The following ASB11 variants were observed in gnomAD, a reference collection of about 807,000 sequenced individuals.
The protein encoded by ASB11 is ankyrin repeat and SOCS box protein 11.
ASB11 carries 17 observed loss-of-function variants against 20.1 expected under a neutral mutation model. That is an observed-to-expected ratio of 0.85 (90% CI 0.58 to 1.27). The LOEUF (loss-of-function observed/expected upper bound fraction) is 1.27. ASB11 is among the 50% of genes most tolerant of loss of function. The pLI, the probability that ASB11 is intolerant of heterozygous loss-of-function variation, is 0.00. For missense variants in ASB11, 259 were observed against 256.9 expected, an observed-to-expected ratio of 1.01 and a Z score of -0.06; for synonymous variants, 107 against 105.6, an observed-to-expected ratio of 1.01 and a Z score of -0.08.
chrX:15,314,661 C>T, intron 1 of ASB11: 1 of 619,153 alleles, frequency 1.6e-6, no homozygotes, highest in Non-Finnish European at 2.1e-6. Flanking sequence ...CCCCTGCAAA[C>T]ACTAAAAATA....
chrX:15,289,980 C>A, intron 4 of ASB11: 1 of 166,971 alleles, frequency 6.0e-6, no homozygotes, highest in Non-Finnish European at 1.1e-5. Context: ...GCCGAGATAG[C>A]GCCACTGCAC....
At chrX:15,297,764 G>A in intron 2 of ASB11, 83 bp from the exon 3 acceptor site, 2 of 891,203 alleles carry the variant, frequency 2.2e-6, no homozygotes, top group Non-Finnish European at 1.6e-6. Flanking sequence ...TCAAACTCCT[G>A]GCCTCAAGTG....
At chrX:15,293,391 A>G (rs1927584578) in intron 3 of ASB11, 71 bp from the exon 4 acceptor site, 8 of 1,110,645 alleles carry the variant, frequency 7.2e-6, no homozygotes, top group Middle Eastern at 2.5e-4. Context: ...ATGTCTTCCT[A>G]TGTATTTGCC....
At chrX:15,299,805 T>G (rs1368893081) in intron 2 of ASB11, among the ~76,000 whole-genome samples, 3 of 111,367 alleles carry the variant, frequency 2.7e-5, no homozygotes, top group African/African-American at 9.8e-5. Flanking sequence ...GTCCTGCTTT[T>G]GATCCTATGC....
intron 1 of ASB11, 54 bp from the exon 2 acceptor site, chrX:15,302,861 T>A: frequency 1.9e-6 from 2 of 1,057,615 alleles, no homozygotes; most frequent in African/African-American, 3.7e-5. Context: ...TCCTGTAACT[T>A]GTCCATGCTG....
At chrX:15,284,157 C>A (rs1203123514) in intron 6 of ASB11, among the ~76,000 whole-genome samples, 1 of 103,556 alleles carries the variant, frequency 9.7e-6, no homozygotes, top group Non-Finnish European at 1.9e-5. Flanking sequence ...GAGGCTGAGG[C>A]AGGAGAATGG....
intron 6 of ASB11, among the ~76,000 whole-genome samples, chrX:15,284,371 T>TA (rs758944714): frequency 9.2e-6 from 1 of 108,435 alleles, no homozygotes; most frequent in Non-Finnish European, 1.9e-5. Context: ...AGAGGGACAA[T>TA]ACGGAAAGGG....
chrX:15,311,283 AAAG>A (rs1921423746), intron 1 of ASB11, among the ~76,000 whole-genome samples: 1 of 112,539 alleles, frequency 8.9e-6, no homozygotes, highest in East Asian at 2.8e-4. Context: ...AGTGTATTAG[AAAG>A]AAGGCTCCTT....
chrX:15,312,242 AT>A (rs1452784334), intron 1 of ASB11, among the ~76,000 whole-genome samples: 1 of 109,703 alleles, frequency 9.1e-6, no homozygotes, highest in Admixed American at 9.9e-5. Flanking sequence ...AGAAAAAAAA[AT>A]ATACATATAA....
intron 1 of ASB11, 28 bp from the exon 2 acceptor site, chrX:15,302,835 A>G: frequency 8.6e-7 from 1 of 1,169,427 alleles, no homozygotes; most frequent in Non-Finnish European, 1.2e-6. Flanking sequence ...CTCAAAGTCA[A>G]GGCCTGGAGA....
At position 15,282,650 on chromosome X, in the gene ASB11, A is replaced by G. The variant is rs926807471; in HGVS notation, c.*855T>C. ...AATCCTAGAACTGCTTACTTCAAAT[A>G]ACAGCATTTAATATCAGAAGCAATA... On this transcript the variant is annotated 3_prime_UTR_variant, in exon 7 of 7. Transcript: ENST00000480796. 2 of 110,842 alleles carry G rather than the reference A, an allele frequency of 1.8e-5. No homozygotes were observed. The highest frequency in any genetic ancestry group is 3.8e-5 in the Non-Finnish European group (2 of 53,003). The allele number at this position is 110,842 out of a possible 1,213,427, so 9.1% of individuals were successfully genotyped here.
At chrX:15,314,659 A>C (rs1921556754) in intron 1 of ASB11, 11 of 623,451 alleles carry the variant, frequency 1.8e-5, no homozygotes, top group Non-Finnish European at 2.3e-5. Flanking sequence ...AACCCCTGCA[A>C]ACACTAAAAA....
In ASB11 at chrX:15,302,709, A is replaced by G. The variant is rs771116161; in HGVS notation, c.261+19T>C. The G allele has an allele frequency of 4.3e-6, 5 of 1,173,491 alleles. No individual in the cohort carries two copies. Among genetic ancestry groups the G allele is most frequent in the Non-Finnish European group, 5.8e-6 (5 of 860,974 alleles). ...AATTATAGCATAAGCATGAAGGATCAAGTCTTCAGTTCACTTACTTGTGCA... is the reference window on the plus strand; with the variant it reads ...AATTATAGCATAAGCATGAAGGATCGAGTCTTCAGTTCACTTACTTGTGCA... On this transcript the variant is annotated intron_variant, in intron 2 of 6. Transcript: ENST00000480796.
Position 15,315,449 on chromosome X carries a change from C to G in ASB11, c.157G>C (p.Glu53Gln), listed in dbSNP as rs1004030396. 8 of 1,137,236 alleles carry G rather than the reference C, an allele frequency of 7.0e-6. No individual in the cohort carries two copies. The highest frequency in any genetic ancestry group is 8.1e-6 in the Non-Finnish European group (7 of 862,859). 93.7% of individuals were successfully genotyped at this position (1,137,236 alleles called of 1,213,427 possible). ...CCTGAAATTCCACCATAGATCTCTT[C>G]TGCTATCCTAGCCGCTTCTTTTCTA... ...GNRKEAARIAEEIYGGISDCW... is the reference protein window; with the variant it reads ...GNRKEAARIAQEIYGGISDCW... The change falls in exon 1 of 7, where the codon GAA becomes CAA. Residue 53 changes from glutamate (E) to glutamine (Q), a missense_variant. By Grantham distance (29) the Glu-to-Gln change is conservative. Coordinates refer to ENST00000480796, the MANE Select transcript of ASB11 (RefSeq NM_080873.3).
intron 2 of ASB11, among the ~76,000 whole-genome samples, chrX:15,300,881 CTG>C (rs1215202896): frequency 9.0e-6 from 1 of 111,649 alleles, no homozygotes; most frequent in East Asian, 2.8e-4. Flanking sequence ...AGGTGGGAGA[CTG>C]AGAGAGAAGA....
At chrX:15,314,254 T>G in intron 1 of ASB11, 1 of 1,002,672 alleles carries the variant, frequency 1.0e-6, no homozygotes, top group Non-Finnish European at 1.3e-6. Flanking sequence ...TAGAAAGCCC[T>G]TGCCCAAATT....
chrX:15,284,160 G>A (rs776267958), intron 6 of ASB11, among the ~76,000 whole-genome samples: 20 of 105,839 alleles, frequency 1.9e-4, no homozygotes, highest in African/African-American at 4.9e-4. Context: ...GCTGAGGCAG[G>A]AGAATGGCGT....
At position 15,303,865 on chromosome X, in the gene ASB11, A is replaced by G. The variant is rs747944502; in HGVS notation, c.182-1058T>C. Among the ~76,000 whole-genome samples the G allele has an allele frequency of 5.3e-5, 6 of 112,622 alleles. No individual in the cohort carries two copies. The East Asian group carries it at 1.7e-3, about 31-fold the overall frequency. On this transcript the variant is annotated intron_variant, in intron 1 of 6. Transcript: ENST00000480796. ...AGTAGGCACAGTAGAGCAGTGCCAT[A>G]AGGAACAGCCTTAGAGCCGCCTTCC...
At chrX:15,304,298 T>C (rs1226859181) in intron 1 of ASB11, among the ~76,000 whole-genome samples, 1 of 112,507 alleles carries the variant, frequency 8.9e-6, no homozygotes, top group Non-Finnish European at 1.9e-5. Flanking sequence ...GCCCTCCTCC[T>C]ACACTGAAAC....
Sources: gnomAD v4.1 joint callset for allele counts (sites outside exome capture counted in the v4.1 genomes callset) on GRCh38, gnomAD v4.1.1 for gene constraint, MANE v1.5 for transcripts, NCBI Gene and HGNC (gene_info 2026-07-23, HGNC 2026-07-21) for gene names.